LGSN: variants seen among roughly 807,000 people sequenced by gnomAD.
The protein encoded by LGSN is lengsin.
A neutral mutation model predicts 19.5 loss-of-function variants in LGSN; 21 were observed. The ratio of observed to expected loss-of-function variants is 1.07; its 90% CI spans 0.76 to 1.55. The LOEUF is 1.55. LGSN is among the 40% of genes most tolerant of loss of function. The pLI is 0.00. For missense variants in LGSN, 673 were observed against 608.5 expected (o/e 1.11, Z -1.12); for synonymous variants, 257 against 215.6 (o/e 1.19, Z -1.68).
At chr6:63,412,720 A>AAGGAAGGAAGGAAGGAAAGG in the LGSN span, among the ~76,000 whole-genome samples, 4 of 31,354 alleles carry the variant, frequency 1.3e-4, no homozygotes, top group African/African-American at 9.6e-4. Context: ...GGAAGGAAGG[A>AAGGAAGGAAGGAAGGAAAGG]AAGAAAGAAA....
chr6:63,362,390 G>C, the LGSN span, among the ~76,000 whole-genome samples: 2 of 152,162 alleles, frequency 1.3e-5, no homozygotes, highest in Admixed American at 6.5e-5. Flanking sequence ...CACAGAGCAG[G>C]GCGGGGCATC....
chr6:63,539,375 T>A, the LGSN span, among the ~76,000 whole-genome samples: 1 of 152,174 alleles, frequency 6.6e-6, no homozygotes, highest in Non-Finnish European at 1.5e-5. Flanking sequence ...CCCTCCAGGA[T>A]TCCATCCCAC....
chr6:63,398,206 C>T, the LGSN span, among the ~76,000 whole-genome samples: 10 of 118,340 alleles, frequency 8.5e-5, no homozygotes, highest in South Asian at 5.2e-4. Flanking sequence ...CTCCTATTTA[C>T]TAAAAAAAAA....
the LGSN span, among the ~76,000 whole-genome samples, chr6:63,477,696 T>C: frequency 2.6e-5 from 3 of 114,862 alleles, no homozygotes; most frequent in Admixed American, 8.2e-5. Flanking sequence ...TCTTTTTTTT[T>C]TTTTTTTTTT....
chr6:63,373,442 C>T, the LGSN span, among the ~76,000 whole-genome samples: 2 of 152,124 alleles, frequency 1.3e-5, no homozygotes, highest in African/African-American at 4.8e-5. Context: ...TGTGATTTTC[C>T]TTACCCGCTT....
the LGSN span, among the ~76,000 whole-genome samples, chr6:63,401,995 C>T: frequency 2.6e-5 from 4 of 152,148 alleles, no homozygotes; most frequent in Admixed American, 2.0e-4. Context: ...AGCATGAAGA[C>T]ATGAGCAGCA....
the LGSN span, among the ~76,000 whole-genome samples, chr6:63,404,612 C>G: frequency 6.6e-6 from 1 of 151,888 alleles, no homozygotes; most frequent in Non-Finnish European, 1.5e-5. Flanking sequence ...CTTCATAGAG[C>G]AAAAGAGTCA....
At chr6:63,459,927 T>C in the LGSN span, among the ~76,000 whole-genome samples, 2 of 151,656 alleles carry the variant, frequency 1.3e-5, no homozygotes, top group Non-Finnish European at 2.9e-5. Flanking sequence ...AAAAAGAACC[T>C]TTTCTGATCA....
chr6:63,509,695 A>G, the LGSN span, among the ~76,000 whole-genome samples: 81 of 152,360 alleles, frequency 5.3e-4, no homozygotes, highest in African/African-American at 1.4e-3. Context: ...TCCTATAAAC[A>G]TAGGCATTTA....
At chr6:63,540,575 T>C in the LGSN span, among the ~76,000 whole-genome samples, 17 of 150,686 alleles carry the variant, frequency 1.1e-4, no homozygotes, top group Admixed American at 6.0e-4. Flanking sequence ...AAGCCAAGAT[T>C]GCTCCACTCA....
chr6:63,295,109 C>A, intron 1 of LGSN, 64 bp from the exon 2 acceptor site: 1 of 1,481,578 alleles, frequency 6.7e-7, no homozygotes, highest in Non-Finnish European at 9.4e-7. Context: ...ATTTGGATGT[C>A]GAAAGAGTAT....
chr6:63,358,271 C>T, the LGSN span, among the ~76,000 whole-genome samples: 19 of 152,324 alleles, frequency 1.2e-4, 1 homozygote, highest in South Asian at 3.1e-3. Flanking sequence ...TAGCATGATG[C>T]CTCCAGCTTT....
chr6:63,438,680 C>G, the LGSN span, among the ~76,000 whole-genome samples: 6 of 152,118 alleles, frequency 3.9e-5, no homozygotes, highest in African/African-American at 7.2e-5. Flanking sequence ...AGTTAGAATG[C>G]CAATCATTAA....
At chr6:63,292,411 C>T (rs1401398593) in intron 2 of LGSN, among the ~76,000 whole-genome samples, 1 of 152,180 alleles carries the variant, frequency 6.6e-6, no homozygotes, top group East Asian at 1.9e-4. Flanking sequence ...CCCTTGGTCC[C>T]TGGGAGATAA....
chr6:63,305,421 A>C (rs1474894235), intron 1 of LGSN, among the ~76,000 whole-genome samples: 2 of 152,198 alleles, frequency 1.3e-5, no homozygotes, highest in Non-Finnish European at 2.9e-5. Context: ...AATTGTTTAC[A>C]TAAAGCTACC....
At chr6:63,537,535 C>G in the LGSN span, among the ~76,000 whole-genome samples, 1 of 152,306 alleles carries the variant, frequency 6.6e-6, no homozygotes, top group East Asian at 1.9e-4. Context: ...TACCTTTTCA[C>G]CCCAGAGAAA....
At chr6:63,397,451 GAAA>G in the LGSN span, among the ~76,000 whole-genome samples, 327 of 127,344 alleles carry the variant, frequency 2.6e-3, 1 homozygote, top group African/African-American at 8.3e-3. Flanking sequence ...CGGCTTGGGA[GAAA>G]AAAAAAAAAA....
At chr6:63,408,875 T>A in the LGSN span, among the ~76,000 whole-genome samples, 4 of 152,222 alleles carry the variant, frequency 2.6e-5, no homozygotes, top group Non-Finnish European at 4.4e-5. Flanking sequence ...TATTTCTATA[T>A]ACTAGCAGTA....
At chr6:63,552,150 G>C in the LGSN span, among the ~76,000 whole-genome samples, 2 of 152,182 alleles carry the variant, frequency 1.3e-5, no homozygotes, top group Non-Finnish European at 2.9e-5. Context: ...CTAGTTTACA[G>C]TCCCACCAAC....
Sources: allele counts gnomAD v4.1 joint callset (sites outside exome capture counted in the v4.1 genomes callset), GRCh38; gene constraint gnomAD v4.1.1; transcripts MANE v1.5; gene names NCBI Gene and HGNC (gene_info 2026-07-23, HGNC 2026-07-21).